EDARADD: variants seen among roughly 807,000 people sequenced by gnomAD.
EDARADD encodes ectodysplasin-A receptor-associated adapter protein.
A neutral mutation model predicts 25.6 loss-of-function variants in EDARADD; 20 were observed. The observed-to-expected ratio is 0.78, with a 90% confidence interval of 0.55 to 1.14. EDARADD has a LOEUF of 1.14. Among genes scored for constraint, EDARADD ranks in the 50% most tolerant of loss-of-function variants. The pLI, the probability that EDARADD is intolerant of heterozygous loss-of-function variation, is 0.00. For missense variants in EDARADD, 225 were observed against 270.1 expected (o/e 0.83, Z 1.17); for synonymous variants, 86 against 94.4 (o/e 0.91, Z 0.52).
intron 3 of EDARADD, among the ~76,000 whole-genome samples, chr1:236,363,619 C>T (rs1667079863): frequency 6.6e-6 from 1 of 151,674 alleles, no homozygotes; most frequent in Non-Finnish European, 1.5e-5. Flanking sequence ...GTCTTGAACT[C>T]CTGGGCTCAA....
At chr1:236,476,319 G>A (rs1471815710) in intron 5 of EDARADD, among the ~76,000 whole-genome samples, 1 of 151,974 alleles carries the variant, frequency 6.6e-6, no homozygotes, top group Non-Finnish European at 1.5e-5. Context: ...GACAAGAAAG[G>A]GACCTTCAGA....
upstream of EDARADD, among the ~76,000 whole-genome samples, chr1:236,393,277 T>C (rs1347130023): frequency 1.3e-5 from 2 of 151,948 alleles, no homozygotes; most frequent in Non-Finnish European, 2.9e-5. Flanking sequence ...TGGAGGTCAC[T>C]CAAAGAGCAG....
intron 3 of EDARADD, among the ~76,000 whole-genome samples, chr1:236,383,820 G>A (rs886092572): frequency 7.9e-5 from 12 of 151,968 alleles, no homozygotes; most frequent in African/African-American, 2.4e-4. Flanking sequence ...CCTGGGCAAC[G>A]TAGTGATACC....
intron 4 of EDARADD, among the ~76,000 whole-genome samples, chr1:236,450,552 C>G (rs935674915): frequency 7.5e-5 from 11 of 146,642 alleles, no homozygotes; most frequent in East Asian, 2.0e-4. Flanking sequence ...CCCAACCCCC[C>G]CTTTTTTTTT....
chr1:236,375,533 G>A (rs986605251), intron 3 of EDARADD, among the ~76,000 whole-genome samples: 4 of 151,504 alleles, frequency 2.6e-5, no homozygotes, highest in African/African-American at 2.4e-5. Context: ...GCTCATGCCT[G>A]TAATACCAGC....
chr1:236,372,823 A>G (rs570358079), intron 3 of EDARADD, among the ~76,000 whole-genome samples: 1 of 151,696 alleles, frequency 6.6e-6, no homozygotes, highest in East Asian at 1.9e-4. Flanking sequence ...CATTTCATCT[A>G]GGTTATTAAA....
chr1:236,455,571 T>C (rs75846291), intron 4 of EDARADD, among the ~76,000 whole-genome samples: 1,983 of 152,364 alleles, frequency 0.013, 46 homozygotes, highest in African/African-American at 0.045. Context: ...GAACCAGGGC[T>C]ATTACATGAA....
intron 4 of EDARADD, among the ~76,000 whole-genome samples, chr1:236,454,127 C>G (rs1006930448): frequency 3.3e-5 from 5 of 152,100 alleles, no homozygotes; most frequent in Admixed American, 2.6e-4. Context: ...CTCACTGCAA[C>G]CTCCATCTCC....
intron 3 of EDARADD, among the ~76,000 whole-genome samples, chr1:236,354,711 T>C (rs1353705203): frequency 6.6e-6 from 1 of 152,196 alleles, no homozygotes; most frequent in African/African-American, 2.4e-5. Context: ...AGAAACACTT[T>C]CCTGATAAGT....
At chr1:236,446,554 G>GA (rs11315580) in intron 4 of EDARADD, among the ~76,000 whole-genome samples, 4 of 148,532 alleles carry the variant, frequency 2.7e-5, no homozygotes, top group East Asian at 2.1e-4. Context: ...TCCATCTCAA[G>GA]AAAAAAAAAA....
intron 3 of EDARADD, among the ~76,000 whole-genome samples, chr1:236,384,381 C>G (rs1667331042): frequency 6.6e-6 from 1 of 152,078 alleles, no homozygotes; most frequent in Admixed American, 6.6e-5. Flanking sequence ...TATCTTATTT[C>G]TAGTGGGTTA....
At chr1:236,430,054 T>C (rs1218985640) in intron 4 of EDARADD, among the ~76,000 whole-genome samples, 1 of 152,228 alleles carries the variant, frequency 6.6e-6, no homozygotes, top group African/African-American at 2.4e-5. Context: ...AAATCACCTC[T>C]GTAAGAAAGA....
In EDARADD at chr1:236,363,003, AAAAATATAT is replaced by A. The variant is rs1164113006; in HGVS notation, c.-6+12166_-6+12174del. Among the ~76,000 whole-genome samples, 12 of 92,226 alleles carry A rather than the reference AAAAATATAT, an allele frequency of 1.3e-4. 1 individual carries two copies. The highest frequency in any genetic ancestry group is 9.7e-4 in the Admixed American group (7 of 7,234). 60.5% of individuals were successfully genotyped at this position (92,226 alleles called of 152,430 possible). A position where few individuals can be genotyped will look rare whatever the true frequency, so the allele number is the denominator to read the frequency against. On this transcript the variant is annotated intron_variant, in intron 3 of 7. Coordinates refer to the EDARADD transcript ENST00000439430. ...TTTTTTTAAGAAAAAAAAAAAAAAA[AAAAATATAT>A]ATATATATATATATATATATAAAAT...
intron 4 of EDARADD, among the ~76,000 whole-genome samples, chr1:236,448,180 C>T (rs1658616874): frequency 6.6e-6 from 1 of 152,226 alleles, no homozygotes. Context: ...GCCCCTGCCC[C>T]AGAGATTCTG....
chr1:236,390,021 A>G (rs571074127), upstream of EDARADD, among the ~76,000 whole-genome samples: 1 of 152,222 alleles, frequency 6.6e-6, no homozygotes, highest in East Asian at 1.9e-4. Context: ...TGTCTCAAAA[A>G]CAAGAAGGTA....
rs1296193955 is a variant in EDARADD, at chr1:236,482,304, T to C, written c.303T>C (p.Thr101=). The part of the protein sequence containing the change: ...SKDNSCKENC[T]CSSCLLRAPT... ...ACAACTCCTGCAAAGAAAACTGTACTTGTTCCTCCTGCTTGCTCCGGGCCC... is the reference window on the plus strand; with the variant it reads ...ACAACTCCTGCAAAGAAAACTGTACCTGTTCCTCCTGCTTGCTCCGGGCCC... Residue 101 remains threonine, a synonymous_variant, in exon 6 of 6, where the codon ACT becomes ACC. Transcript: ENST00000334232. 1.2e-6 allele frequency: 2 copies of C among 1,614,018 alleles called. No homozygotes were observed. Among genetic ancestry groups the C allele is most frequent in the Admixed American group, 1.7e-5 (1 of 59,978 alleles).
chr1:236,350,365 T>C (rs1266065101), intron 2 of EDARADD, among the ~76,000 whole-genome samples: 1 of 152,186 alleles, frequency 6.6e-6, no homozygotes, highest in East Asian at 1.9e-4. Context: ...GATAGGAATT[T>C]GGGCAAGATT....
chr1:236,408,309 T>A (rs1667773998), intron 1 of EDARADD, among the ~76,000 whole-genome samples: 1 of 152,112 alleles, frequency 6.6e-6, no homozygotes, highest in Non-Finnish European at 1.5e-5. Context: ...TTCAAGCTAT[T>A]CTTCTGCCTC....
chr1:236,455,606 AC>A (rs1658837258), intron 4 of EDARADD, among the ~76,000 whole-genome samples: 1 of 152,172 alleles, frequency 6.6e-6, no homozygotes, highest in Admixed American at 6.5e-5. Context: ...TAGAGCACAT[AC>A]TTGGTATTTT....
Sources: allele counts gnomAD v4.1 joint callset (sites outside exome capture counted in the v4.1 genomes callset), GRCh38; gene constraint gnomAD v4.1.1; transcripts MANE v1.5; gene names NCBI Gene and HGNC (gene_info 2026-07-23, HGNC 2026-07-21).